The following GABRG3 variants were observed in gnomAD, a reference collection of about 807,000 sequenced individuals.
GABRG3 encodes gamma-aminobutyric acid type A receptor subunit gamma3.
Under a neutral mutation model 48.8 loss-of-function variants are expected in GABRG3, and 25 were observed. The observed-to-expected ratio is 0.51, with a 90% confidence interval of 0.37 to 0.72. The LOEUF (loss-of-function observed/expected upper bound fraction) is 0.72, where lower values mean the gene tolerates loss of function less well. Among genes scored for constraint, GABRG3 ranks in the 30% least tolerant of loss-of-function variants. GABRG3 has a pLI of 0.00. For missense variants in GABRG3, 394 were observed against 577.9 expected (o/e 0.68, Z 3.26); for synonymous variants, 227 against 217.6 (o/e 1.04, Z -0.38).
At chr15:27,340,061 C>T (rs527271426) in intron 5 of GABRG3, among the ~76,000 whole-genome samples, 17 of 152,136 alleles carry the variant, frequency 1.1e-4, no homozygotes, top group Non-Finnish European at 2.1e-4. Flanking sequence ...TGTCAGGGAA[C>T]CTTCTTCATC....
chr15:27,418,168 G>A (rs1221280051), intron 5 of GABRG3, among the ~76,000 whole-genome samples: 2 of 152,208 alleles, frequency 1.3e-5, no homozygotes, highest in East Asian at 3.9e-4. Context: ...AAGGAGGCCT[G>A]ATGACCGGCC....
chr15:27,184,334 A>T (rs1888026820), intron 3 of GABRG3, among the ~76,000 whole-genome samples: 1 of 152,166 alleles, frequency 6.6e-6, no homozygotes, highest in Non-Finnish European at 1.5e-5. Flanking sequence ...GGTAACTGGG[A>T]CATTTGTGAA....
At chr15:27,231,224 A>G (rs901602790) in intron 3 of GABRG3, among the ~76,000 whole-genome samples, 1 of 152,118 alleles carries the variant, frequency 6.6e-6, no homozygotes, top group Admixed American at 6.6e-5. Flanking sequence ...TTGCCTTTAT[A>G]TTTCAAAGTA....
rs542414416 is a variant in GABRG3, at chr15:27,247,628, C to T, written c.271-79181C>T. On this transcript the variant is annotated intron_variant, in intron 3 of 9. Coordinates refer to ENST00000615808, the MANE Select transcript of GABRG3 (RefSeq NM_033223.5). ...AACATGGTGTATTAGTCCGTTTTCA[C>T]GCTGCTGGTAAAGACGTACTGGAGA... Among the ~76,000 whole-genome samples, 25 of 152,230 alleles carry T rather than the reference C, an allele frequency of 1.6e-4. No homozygotes were observed. In the South Asian group the frequency reaches 5.0e-3, roughly 30 times the overall value.
intron 5 of GABRG3, among the ~76,000 whole-genome samples, chr15:27,469,920 TGAC>T (rs1889733488): frequency 6.6e-6 from 1 of 152,310 alleles, no homozygotes; most frequent in South Asian, 2.1e-4. Flanking sequence ...CCTGCTGCCT[TGAC>T]GACATAAGAC....
At chr15:27,019,896 A>C (rs1895856616) in intron 2 of GABRG3, among the ~76,000 whole-genome samples, 1 of 152,198 alleles carries the variant, frequency 6.6e-6, no homozygotes, top group African/African-American at 2.4e-5. Flanking sequence ...TTTTCATGAA[A>C]ACATAGAAAC....
At chr15:27,021,437 T>G (rs1197023442) in intron 2 of GABRG3, among the ~76,000 whole-genome samples, 1 of 152,076 alleles carries the variant, frequency 6.6e-6, no homozygotes, top group African/African-American at 2.4e-5. Flanking sequence ...GACCTAAAAG[T>G]AGGAAGTAAT....
chr15:27,335,969 C>A (rs537017906), intron 5 of GABRG3, among the ~76,000 whole-genome samples: 1 of 152,140 alleles, frequency 6.6e-6, no homozygotes, highest in African/African-American at 2.4e-5. Context: ...GGGCAGATCA[C>A]CTGAGGTCAG....
intron 3 of GABRG3, among the ~76,000 whole-genome samples, chr15:27,168,004 TCTCA>T (rs1440461556): frequency 6.6e-6 from 1 of 151,982 alleles, no homozygotes; most frequent in Non-Finnish European, 1.5e-5. Flanking sequence ...CCGGCCCAAA[TCTCA>T]CTCTAACACC....
intron 5 of GABRG3, among the ~76,000 whole-genome samples, chr15:27,333,827 A>G (rs191024040): frequency 6.0e-4 from 91 of 152,336 alleles, no homozygotes; most frequent in Admixed American, 2.1e-3. Context: ...AGGAAAAATC[A>G]TTCCCCAGTG....
intron 6 of GABRG3, among the ~76,000 whole-genome samples, chr15:27,517,928 T>G (rs1004835991): frequency 6.6e-6 from 1 of 152,174 alleles, no homozygotes; most frequent in African/African-American, 2.4e-5. Flanking sequence ...ATATCAAAGT[T>G]GATGTTTCTA....
At chr15:27,249,180 T>A (rs1296597155) in intron 3 of GABRG3, among the ~76,000 whole-genome samples, 1 of 152,092 alleles carries the variant, frequency 6.6e-6, no homozygotes, top group Non-Finnish European at 1.5e-5. Context: ...GGAAGCTGCG[T>A]CCCGGCCACC....
chr15:27,272,313 A>G (rs1052725199), intron 3 of GABRG3, among the ~76,000 whole-genome samples: 30 of 152,208 alleles, frequency 2.0e-4, no homozygotes, highest in African/African-American at 7.0e-4. Flanking sequence ...TTTAGGTTCC[A>G]CTGTCACAAA....
chr15:27,096,253 G>A (rs771583530), intron 3 of GABRG3, among the ~76,000 whole-genome samples: 4 of 152,290 alleles, frequency 2.6e-5, no homozygotes, highest in Middle Eastern at 3.4e-3. Context: ...CAGGCTCAGC[G>A]CTGCTGAGGA....
intron 5 of GABRG3, among the ~76,000 whole-genome samples, chr15:27,332,088 C>T (rs1279261579): frequency 6.6e-6 from 1 of 152,196 alleles, no homozygotes; most frequent in African/African-American, 2.4e-5. Flanking sequence ...TAACACTGTC[C>T]TAATGAAAAC....
intron 1 of GABRG3, among the ~76,000 whole-genome samples, chr15:26,972,346 G>A (rs944643133): frequency 6.6e-6 from 1 of 152,228 alleles, no homozygotes; most frequent in African/African-American, 2.4e-5. Flanking sequence ...TAGAAGAGAT[G>A]AAGAGGGCGC....
chr15:27,505,980 T>G (rs973720084), intron 6 of GABRG3, among the ~76,000 whole-genome samples: 2 of 152,198 alleles, frequency 1.3e-5, no homozygotes, highest in Non-Finnish European at 2.9e-5. Flanking sequence ...GTCTTAATAG[T>G]TTGTGTTTTT....
rs190867145 is a variant in GABRG3, at chr15:27,074,242, G to T, written c.270+47421G>T. ...GAGTACAATTCATGATGAGATTTGG[G>T]TGAGGACACAGAGCCAAACCATATC... On this transcript the variant is annotated intron_variant, in intron 3 of 9. Coordinates refer to ENST00000615808, the MANE Select transcript of GABRG3 (RefSeq NM_033223.5). Among the ~76,000 whole-genome samples the T allele has an allele frequency of 9.2e-5, 14 of 152,282 alleles. No individual in the cohort carries two copies. In the East Asian group the frequency reaches 1.2e-3, roughly 13 times the overall value.
chr15:27,306,981 T>A lies in GABRG3; in HGVS notation c.271-19828T>A, dbSNP rs1249522472. On this transcript the variant is annotated intron_variant, in intron 3 of 9. Coordinates refer to ENST00000615808, the MANE Select transcript of GABRG3 (RefSeq NM_033223.5). The stretch of plus-strand genomic sequence containing the variant: ...CATGTTTATATATAAACATATATAA[T>A]ATAAACATGTTTATATATAAACATG... Among the ~76,000 whole-genome samples the A allele has an allele frequency of 1.5e-3, 163 of 112,172 alleles. 2 individuals carry two copies. Among genetic ancestry groups the A allele is most frequent in the African/African-American group, 6.3e-3 (134 of 21,434 alleles). The allele number at this position is 112,172 out of a possible 152,430, so 73.6% of individuals were successfully genotyped here.
Sources: gnomAD v4.1 joint callset for allele counts (sites outside exome capture counted in the v4.1 genomes callset) on GRCh38, gnomAD v4.1.1 for gene constraint, MANE v1.5 for transcripts, NCBI Gene and HGNC (gene_info 2026-07-23, HGNC 2026-07-21) for gene names.